The following EPB41L4A variants were observed in gnomAD, a reference collection of about 807,000 sequenced individuals.
EPB41L4A encodes the protein band 4.1-like protein 4A.
EPB41L4A carries 100 observed loss-of-function variants against 108.6 expected under a neutral mutation model. That is an observed-to-expected ratio of 0.92 (90% CI 0.78 to 1.09). EPB41L4A has a LOEUF of 1.09. Ranked by LOEUF, EPB41L4A falls within the 50% of genes least tolerant of loss-of-function variation. The pLI, the probability that EPB41L4A is intolerant of heterozygous loss-of-function variation, is 0.00. For synonymous variants in EPB41L4A, 319 were observed against 289.0 expected, an observed-to-expected ratio of 1.10 and a Z score of -1.05; for missense variants, 1,030 against 842.7, an observed-to-expected ratio of 1.22 and a Z score of -2.75.
chr5:112,308,420 A>G (rs1009148875), intron 1 of EPB41L4A, among the ~76,000 whole-genome samples: 1 of 152,234 alleles, frequency 6.6e-6, no homozygotes, highest in Non-Finnish European at 1.5e-5. Context: ...GATTGTTAAC[A>G]TGAGAGAAAT....
At chr5:112,352,925 C>T (rs142163759) in intron 1 of EPB41L4A, among the ~76,000 whole-genome samples, 2 of 152,300 alleles carry the variant, frequency 1.3e-5, no homozygotes, top group African/African-American at 4.8e-5. Context: ...CATCTGCACA[C>T]CTACAGTAAC....
chr5:112,174,538 T>C (rs745953479), intron 18 of EPB41L4A, among the ~76,000 whole-genome samples: 25 of 152,186 alleles, frequency 1.6e-4, no homozygotes, highest in Non-Finnish European at 3.5e-4. Context: ...TCAGAGAAAT[T>C]AGTTTGATGA....
At chr5:112,340,785 T>C (rs559639485) in intron 1 of EPB41L4A, among the ~76,000 whole-genome samples, 18 of 152,254 alleles carry the variant, frequency 1.2e-4, no homozygotes, top group Non-Finnish European at 2.2e-4. Flanking sequence ...GTTGCTCCTA[T>C]GTCTACTCCC....
At position 112,164,727 on chromosome 5, in the gene EPB41L4A, C is replaced by G. The variant is rs1280940171; in HGVS notation, c.*263G>C. ...GTGCACGCCTGTAATCCCAGCTGCT[C>G]GGGAGCCTGAGACAGGAGAATCGCT... On this transcript the variant is annotated 3_prime_UTR_variant, in exon 23 of 23. Transcript: ENST00000261486. 2 of 237,184 alleles carry G rather than the reference C, an allele frequency of 8.4e-6. No homozygotes were observed. Among genetic ancestry groups the G allele is most frequent in the East Asian group, 9.5e-5 (1 of 10,568 alleles). The allele number at this position is 237,184 out of a possible 1,614,324, so 14.7% of individuals were successfully genotyped here.
intron 1 of EPB41L4A, among the ~76,000 whole-genome samples, chr5:112,319,312 CTA>C (rs1755619850): frequency 6.6e-6 from 1 of 152,046 alleles, no homozygotes; most frequent in Non-Finnish European, 1.5e-5. Flanking sequence ...TGAGAAAAAT[CTA>C]TGAGTCCAAG....
chr5:112,181,218 G>A (rs759610987), intron 18 of EPB41L4A, among the ~76,000 whole-genome samples: 12 of 152,096 alleles, frequency 7.9e-5, no homozygotes, highest in Non-Finnish European at 1.2e-4. Context: ...TTGGGAGGCC[G>A]AGGCGGGCGG....
chr5:112,299,146 T>A (rs1754192807), intron 2 of EPB41L4A, among the ~76,000 whole-genome samples: 1 of 152,210 alleles, frequency 6.6e-6, no homozygotes, highest in South Asian at 2.1e-4. Flanking sequence ...CAATTTCATT[T>A]AGTTCTGCTC....
intron 1 of EPB41L4A, among the ~76,000 whole-genome samples, chr5:112,338,354 A>AC (rs1412187137): frequency 1.3e-5 from 2 of 151,040 alleles, no homozygotes; most frequent in African/African-American, 4.9e-5. Flanking sequence ...TCTGCTGGTG[A>AC]CCCCCCTACC....
chr5:112,371,505 G>T (rs1759494748), intron 1 of EPB41L4A, among the ~76,000 whole-genome samples: 1 of 152,098 alleles, frequency 6.6e-6, no homozygotes, highest in Admixed American at 6.5e-5. Context: ...GGACTCAGTT[G>T]CCTGCCTTGA....
At chr5:112,194,871 C>A (rs982204694) in intron 16 of EPB41L4A, among the ~76,000 whole-genome samples, 5 of 152,104 alleles carry the variant, frequency 3.3e-5, no homozygotes, top group African/African-American at 1.2e-4. Context: ...AATATAAAAA[C>A]CGATTAAGGT....
intron 18 of EPB41L4A, among the ~76,000 whole-genome samples, chr5:112,182,668 T>C (rs1761215897): frequency 6.6e-6 from 1 of 152,198 alleles, no homozygotes; most frequent in South Asian, 2.1e-4. Flanking sequence ...CTATTCCACA[T>C]GGAAAGGTAA....
At chr5:112,317,153 T>C (rs553779633) in intron 1 of EPB41L4A, among the ~76,000 whole-genome samples, 1 of 152,352 alleles carries the variant, frequency 6.6e-6, no homozygotes, top group Admixed American at 6.5e-5. Context: ...GCCATCTTTG[T>C]TGACAACCTA....
intron 16 of EPB41L4A, among the ~76,000 whole-genome samples, chr5:112,195,224 G>T (rs1225002168): frequency 1.3e-5 from 2 of 152,106 alleles, no homozygotes; most frequent in Non-Finnish European, 2.9e-5. Flanking sequence ...TATGCAGAGA[G>T]GTCCCAGGCC....
chr5:112,154,230 C>T (rs1289526875), intron 12 of EPB41L4A, among the ~76,000 whole-genome samples: 1 of 152,214 alleles, frequency 6.6e-6, no homozygotes, highest in African/African-American at 2.4e-5. Context: ...CACTATCCTC[C>T]AGTTCACCTG....
At chr5:112,376,192 C>T (rs1383749501) in intron 1 of EPB41L4A, among the ~76,000 whole-genome samples, 1 of 152,138 alleles carries the variant, frequency 6.6e-6, no homozygotes, top group African/African-American at 2.4e-5. Flanking sequence ...AAAAATAATA[C>T]ATTTAGAACA....
intron 12 of EPB41L4A, among the ~76,000 whole-genome samples, chr5:112,152,710 T>G (rs144782281): frequency 2.0e-5 from 3 of 152,052 alleles, no homozygotes; most frequent in African/African-American, 7.2e-5. Context: ...ATGACATAGC[T>G]ATACTATAAG....
At chr5:112,392,179 T>C (rs1226829922) in intron 1 of EPB41L4A, among the ~76,000 whole-genome samples, 3 of 152,046 alleles carry the variant, frequency 2.0e-5, no homozygotes, top group Non-Finnish European at 4.4e-5. Context: ...ATGGGAAAAC[T>C]AACCAGCTAA....
chr5:112,299,014 G>A lies in EPB41L4A; in HGVS notation c.204+8372C>T, dbSNP rs962061035. On this transcript the variant is annotated intron_variant, in intron 2 of 22. Coordinates refer to ENST00000261486, the MANE Select transcript of EPB41L4A (RefSeq NM_022140.5). ...AATATCCCCCATTTCATTTCTAATT[G>A]AGCTTATTTGGATCTTCCCTCTTCT... 3.3e-5 allele frequency among the ~76,000 whole-genome samples: 5 copies of A among 152,052 alleles called. No homozygotes were observed. The South Asian group carries it at 1.0e-3, about 32-fold the overall frequency.
chr5:112,264,334 G>C (rs991387218), intron 6 of EPB41L4A: 1 of 152,424 alleles, frequency 6.6e-6, no homozygotes, highest in East Asian at 1.9e-4. Context: ...TACCCTCAAA[G>C]GTTTCACACT....
Sources: allele counts gnomAD v4.1 joint callset (sites outside exome capture counted in the v4.1 genomes callset), GRCh38; gene constraint gnomAD v4.1.1; transcripts MANE v1.5; gene names NCBI Gene and HGNC (gene_info 2026-07-23, HGNC 2026-07-21).